The following EVL variants were observed in gnomAD, a reference collection of about 807,000 sequenced individuals.
EVL encodes the protein Enah/Vasp-like, also known as ena/VASP-like protein.
In EVL, 21 loss-of-function variants were observed where a neutral mutation model predicts 59.6. The observed-to-expected ratio is 0.35, with a 90% confidence interval of 0.25 to 0.51. The LOEUF is 0.51. EVL is among the 20% of genes least tolerant of loss of function. The pLI, the probability that EVL is intolerant of heterozygous loss-of-function variation, is 0.97. For missense variants in EVL, 462 were observed against 546.6 expected, an observed-to-expected ratio of 0.85 and a Z score of 1.54; for synonymous variants, 198 against 203.5, an observed-to-expected ratio of 0.97 and a Z score of 0.23.
chr14:99,983,847 C>CT (rs1452556124), intron 1 of EVL, among the ~76,000 whole-genome samples: 4 of 152,144 alleles, frequency 2.6e-5, no homozygotes, highest in Non-Finnish European at 5.9e-5. Context: ...GCTGAGGGCC[C>CT]TTTCCTGTTA....
At chr14:100,008,034 A>G (rs2060994487) in intron 1 of EVL, among the ~76,000 whole-genome samples, 1 of 152,146 alleles carries the variant, frequency 6.6e-6, no homozygotes, top group Admixed American at 6.5e-5. Context: ...GCCACTGCTA[A>G]AAGTATCTCC....
chr14:100,113,878 C>T (rs1422045388), intron 3 of EVL, among the ~76,000 whole-genome samples: 3 of 151,952 alleles, frequency 2.0e-5, no homozygotes, highest in Non-Finnish European at 4.4e-5. Context: ...GCCTCCAATC[C>T]CAAAGTAAGG....
intron 1 of EVL, among the ~76,000 whole-genome samples, chr14:100,033,261 T>C (rs1171830688): frequency 4.6e-5 from 7 of 152,258 alleles, no homozygotes; most frequent in African/African-American, 9.6e-5. Context: ...TCTAGATTCC[T>C]ATACAAACAA....
chr14:100,118,212 A>G (rs1037169072), intron 3 of EVL, among the ~76,000 whole-genome samples: 2 of 152,170 alleles, frequency 1.3e-5, no homozygotes, highest in East Asian at 1.9e-4. Context: ...TCAGCAGGCT[A>G]TGAGGAAGTG....
chr14:100,070,467 G>C (rs886901582), intron 1 of EVL, among the ~76,000 whole-genome samples: 2 of 152,158 alleles, frequency 1.3e-5, no homozygotes, highest in Non-Finnish European at 2.9e-5. Flanking sequence ...CCGTCATTCT[G>C]TGCTGTTAAT....
Position 100,003,064 on chromosome 14 carries a change from G to T in EVL, c.5+31007G>T, listed in dbSNP as rs144977654. ...GCCCGTATGCTGGTCTTGCATCAGT[G>T]TACCTATGACGTTAATGGTTAACTT... is the stretch of plus-strand genomic sequence containing the variant. On this transcript the variant is annotated intron_variant, in intron 1 of 13. Transcript: ENST00000402714. Among the ~76,000 whole-genome samples the T allele has an allele frequency of 6.9e-4, 105 of 152,262 alleles. 1 individual carries two copies. Among genetic ancestry groups the T allele is most frequent in the African/African-American group, 2.3e-3 (95 of 41,560 alleles).
At chr14:100,004,102 G>T (rs1476423325) in intron 1 of EVL, among the ~76,000 whole-genome samples, 2 of 152,208 alleles carry the variant, frequency 1.3e-5, no homozygotes, top group African/African-American at 4.8e-5. Flanking sequence ...TACTTGGGAG[G>T]CTGAGGCACA....
intron 2 of EVL, among the ~76,000 whole-genome samples, chr14:100,089,107 A>G (rs987870398): frequency 6.6e-6 from 1 of 152,234 alleles, no homozygotes; most frequent in Non-Finnish European, 1.5e-5. Flanking sequence ...GCATCCCTAC[A>G]TTTGTATGAA....
intron 1 of EVL, among the ~76,000 whole-genome samples, chr14:100,068,720 C>G (rs945226312): frequency 6.6e-6 from 1 of 152,134 alleles, no homozygotes; most frequent in Non-Finnish European, 1.5e-5. Flanking sequence ...TCAGACATGG[C>G]TTAGGTGGGT....
At chr14:100,128,838 GAC>G in intron 6 of EVL, 90 bp downstream of exon 6, 1 of 1,176,918 alleles carries the variant, frequency 8.5e-7, no homozygotes, top group Admixed American at 2.0e-5. Flanking sequence ...GCATCTGCGA[GAC>G]ACAGCAAACT....
At chr14:100,027,286 T>G (rs1195859934) in intron 1 of EVL, among the ~76,000 whole-genome samples, 1 of 152,204 alleles carries the variant, frequency 6.6e-6, no homozygotes, top group African/African-American at 2.4e-5. Flanking sequence ...TATTTTGAAA[T>G]GTACAATAAA....
At chr14:100,063,322 A>G (rs899139048), upstream of EVL, among the ~76,000 whole-genome samples, 3 of 152,218 alleles carry the variant, frequency 2.0e-5, no homozygotes, top group Non-Finnish European at 2.9e-5. Context: ...GAAAGTGGAC[A>G]GAGGGGCTAT....
chr14:100,091,192 C>G (rs1311416512), intron 2 of EVL, among the ~76,000 whole-genome samples: 3 of 152,152 alleles, frequency 2.0e-5, no homozygotes, highest in Non-Finnish European at 4.4e-5. Flanking sequence ...CTTTCACCTG[C>G]CCCTTTTCTC....
chr14:100,055,245 C>G (rs1022565546), intron 1 of EVL, among the ~76,000 whole-genome samples: 8 of 150,908 alleles, frequency 5.3e-5, no homozygotes, highest in African/African-American at 1.5e-4. Context: ...TCTGCCTATT[C>G]TGAGTATCAT....
At chr14:100,078,020 C>T (rs757123533) in intron 1 of EVL, among the ~76,000 whole-genome samples, 10 of 152,236 alleles carry the variant, frequency 6.6e-5, no homozygotes, top group Middle Eastern at 3.4e-3. Context: ...GTGATCCGCC[C>T]GCCTTGGCCT....
At chr14:100,010,124 T>G (rs183555214) in intron 1 of EVL, among the ~76,000 whole-genome samples, 94 of 152,328 alleles carry the variant, frequency 6.2e-4, no homozygotes, top group Non-Finnish European at 1.0e-3. Context: ...GAGGGGGTTC[T>G]CTATAGAATG....
At chr14:100,013,919 T>G (rs1448708637) in intron 1 of EVL, among the ~76,000 whole-genome samples, 1 of 152,226 alleles carries the variant, frequency 6.6e-6, no homozygotes, top group East Asian at 1.9e-4. Flanking sequence ...ATATTTCTAT[T>G]TATAGGGTAC....
intron 1 of EVL, among the ~76,000 whole-genome samples, chr14:99,973,651 CG>C (rs1326903176): frequency 6.6e-6 from 1 of 152,072 alleles, no homozygotes; most frequent in Non-Finnish European, 1.5e-5. Context: ...TTAGTAGAGA[CG>C]GGGTTTCACC....
intron 1 of EVL, among the ~76,000 whole-genome samples, chr14:100,043,453 G>A (rs986837854): frequency 2.7e-5 from 4 of 145,938 alleles, no homozygotes; most frequent in Non-Finnish European, 6.0e-5. Flanking sequence ...AAGTCCAAAG[G>A]CCTGTGAGCC....
Sources: allele counts gnomAD v4.1 joint callset (sites outside exome capture counted in the v4.1 genomes callset), GRCh38; gene constraint gnomAD v4.1.1; transcripts MANE v1.5; gene names NCBI Gene and HGNC (gene_info 2026-07-23, HGNC 2026-07-21).